RMDN1: variants seen among roughly 807,000 people sequenced by gnomAD.
RMDN1 encodes regulator of microtubule dynamics 1.
In RMDN1, 48 loss-of-function variants were observed where a neutral mutation model predicts 48.9. The ratio of observed to expected loss-of-function variants is 0.98; its 90% CI spans 0.78 to 1.25. The LOEUF (loss-of-function observed/expected upper bound fraction) is 1.25, where lower values mean the gene tolerates loss of function less well. Among genes scored for constraint, RMDN1 ranks in the 50% most tolerant of loss-of-function variants. The pLI is 0.00. For missense variants in RMDN1, 418 were observed against 373.4 expected, an observed-to-expected ratio of 1.12 and a Z score of -0.98; for synonymous variants, 148 against 132.6, an observed-to-expected ratio of 1.12 and a Z score of -0.80.
Position 86,507,879 on chromosome 8 carries a change from C to T in RMDN1, c.129+613G>A, listed in dbSNP as rs147314751. On this transcript the variant is annotated intron_variant, in intron 1 of 9. Transcript: ENST00000406452. The stretch of plus-strand genomic sequence containing the variant: ...AATTTGAGTTTAAAATAATGAAACC[C>T]CTAGTTCATGTGAAATATATCATAT... Among the ~76,000 whole-genome samples, 302 of 152,184 alleles carry T rather than the reference C, an allele frequency of 2.0e-3. 3 individuals carry two copies. The highest frequency in any genetic ancestry group is 6.8e-3 in the Middle Eastern group (2 of 294).
downstream of RMDN1, among the ~76,000 whole-genome samples, chr8:86,472,005 T>C (rs980102462): frequency 3.9e-5 from 6 of 152,178 alleles, no homozygotes; most frequent in South Asian, 2.1e-4. Flanking sequence ...TTGAGAAAAT[T>C]TGAATATGGG....
downstream of RMDN1, among the ~76,000 whole-genome samples, chr8:86,468,861 A>G (rs1028447164): frequency 5.9e-5 from 9 of 152,038 alleles, no homozygotes; most frequent in African/African-American, 1.2e-4. Context: ...TCCCCCACTC[A>G]CCTTCTCCCC....
chr8:86,488,765 C>A, intron 2 of RMDN1, 126 bp from the exon 3 acceptor site: 1 of 500,170 alleles, frequency 2.0e-6, no homozygotes. Flanking sequence ...AAATGACCTA[C>A]AATGAAACAG....
chr8:86,484,831 A>T (rs2130801246), intron 5 of RMDN1, 41 bp downstream of exon 5: 1 of 1,303,688 alleles, frequency 7.7e-7, no homozygotes, highest in Non-Finnish European at 1.1e-6. Flanking sequence ...TCAGAAAAAT[A>T]TGACTTTTAA....
intron 2 of RMDN1, chr8:86,504,071 G>A (rs1180465644): frequency 1.1e-6 from 1 of 912,960 alleles, no homozygotes; most frequent in South Asian, 1.3e-5. Context: ...ATCATTGTCA[G>A]AATTCTGGTG....
chr8:86,506,172 C>G (rs1225028702), intron 2 of RMDN1, among the ~76,000 whole-genome samples: 1 of 152,148 alleles, frequency 6.6e-6, no homozygotes, highest in Non-Finnish European at 1.5e-5. Flanking sequence ...AAATGAGAAA[C>G]TTAAAATAAT....
chr8:86,481,245 G>T (rs934404329), intron 5 of RMDN1, among the ~76,000 whole-genome samples: 12 of 152,052 alleles, frequency 7.9e-5, no homozygotes, highest in African/African-American at 2.9e-4. Flanking sequence ...ACCTTGAACT[G>T]GTTGCAAGAT....
chr8:86,513,598 T>C (rs953851942), upstream of RMDN1, among the ~76,000 whole-genome samples: 1 of 152,230 alleles, frequency 6.6e-6, no homozygotes, highest in Non-Finnish European at 1.5e-5. Context: ...GTTAGTTTAC[T>C]TACAATTTGT....
intron 2 of RMDN1, chr8:86,503,739 C>G (rs1563657962): frequency 1.4e-5 from 7 of 484,472 alleles, no homozygotes; most frequent in Admixed American, 2.5e-5. Flanking sequence ...ATCCCTCCCT[C>G]TGAGATGTTG....
chr8:86,488,467 C>A (rs974101766), intron 3 of RMDN1, 85 bp downstream of exon 3: 8 of 656,030 alleles, frequency 1.2e-5, no homozygotes, highest in Non-Finnish European at 2.0e-5. Context: ...ATTTTTAAAA[C>A]CTCAAGCACT....
chr8:86,508,932 TTTGGGCACAAGGA>T (rs1819885883), upstream of RMDN1, among the ~76,000 whole-genome samples: 1 of 152,150 alleles, frequency 6.6e-6, no homozygotes, highest in Non-Finnish European at 1.5e-5. Context: ...TCTTTCATGG[TTTGGGCACAAGGA>T]TTCGTCGCCA....
chr8:86,503,892 C>T (rs1324782931), intron 2 of RMDN1: 2 of 675,934 alleles, frequency 3.0e-6, no homozygotes, highest in South Asian at 1.5e-5. Flanking sequence ...TCTCTGGTGG[C>T]TGCCTTATGG....
At position 86,474,170 on chromosome 8, in the gene RMDN1, G is replaced by A. The variant is rs1342633940; in HGVS notation, c.*138C>T. 7.0e-7 allele frequency: 1 copy of A among 1,420,952 alleles called. No homozygotes were observed. The highest frequency in any genetic ancestry group is 2.5e-5 in the East Asian group (1 of 39,248). 88.0% of individuals were successfully genotyped at this position (1,420,952 alleles called of 1,614,324 possible). A position where few individuals can be genotyped will look rare whatever the true frequency, so the allele number is the denominator to read the frequency against. ...ACCCTATTATTTGTGAAGAAGCCTA[G>A]AATATTTTATATTTACACGGTTAAA... On this transcript the variant is annotated 3_prime_UTR_variant, in exon 10 of 10. Transcript: ENST00000406452.
intron 2 of RMDN1, among the ~76,000 whole-genome samples, chr8:86,496,639 A>T (rs1248144521): frequency 6.6e-6 from 1 of 152,236 alleles, no homozygotes; most frequent in African/African-American, 2.4e-5. Context: ...GCGGATTAAT[A>T]AAACAAGTTC....
Position 86,486,622 on chromosome 8 carries a change from C to T in RMDN1, c.357G>A (p.Trp119Ter), listed in dbSNP as rs1032139932. 1 of 1,596,248 alleles carries T rather than the reference C, an allele frequency of 6.3e-7. No homozygotes were observed. The highest frequency in any genetic ancestry group is 2.2e-5 in the East Asian group (1 of 44,778). Residue 119 changes from tryptophan (W) to a stop codon, truncating the protein, a stop_gained, in exon 4 of 10, where the codon TGG becomes TGA. Transcript: ENST00000406452. LOFTEE classifies it high-confidence loss of function. ...CATCACGTGATGCCCGTGCCAAACG[C>T]CACAGTAACTCTGCATCTTCACTAA... The part of the protein sequence containing the change: ...YKESEDAELL[W>*]RLARASRDVA...
At position 86,474,291 on chromosome 8, in the gene RMDN1, T is replaced by A. The variant is rs1563576886; in HGVS notation, c.*17A>T. On this transcript the variant is annotated 3_prime_UTR_variant, in exon 10 of 10. Transcript: ENST00000406452. ...CAATGTTTATTAGCTATTTCATAAA[T>A]CTTCTCTGAAAAGTTCTCAATTCTT... 2.5e-6 allele frequency: 4 copies of A among 1,613,144 alleles called. No homozygotes were observed. In the South Asian group the frequency reaches 4.4e-5, roughly 18 times the overall value.
chr8:86,507,526 G>C (rs1819578292), intron 1 of RMDN1, among the ~76,000 whole-genome samples: 1 of 152,110 alleles, frequency 6.6e-6, no homozygotes, highest in African/African-American at 2.4e-5. Context: ...TTTTTGTAGA[G>C]ACAGGGTCTC....
chr8:86,503,385 A>AAAAAAAAAAAAAAAAAAAAAAAAAAAAAC (rs1554594088), intron 2 of RMDN1, among the ~76,000 whole-genome samples: 3 of 81,066 alleles, frequency 3.7e-5, no homozygotes, highest in Admixed American at 1.3e-4. Flanking sequence ...AAAAAAAAAA[A>AAAAAAAAAAAAAAAAAAAAAAAAAAAAAC]AAAACAAAAA....
In RMDN1 at chr8:86,493,136, TA is replaced by T. The variant is rs1404555425; in HGVS notation, c.248-4498del. Among the ~76,000 whole-genome samples, 7 of 152,306 alleles carry T rather than the reference TA, an allele frequency of 4.6e-5. No homozygotes were observed. In the East Asian group the frequency reaches 1.3e-3, roughly 29 times the overall value. On this transcript the variant is annotated intron_variant, in intron 2 of 9. Coordinates refer to ENST00000406452, the MANE Select transcript of RMDN1 (RefSeq NM_016033.3). ...AAAAAGTGTTTCTGTATTTTTCAAT[TA>T]ATCTTTTTTCAAGGGCTATGGTCTG...
Sources: allele counts gnomAD v4.1 joint callset (sites outside exome capture counted in the v4.1 genomes callset), GRCh38; gene constraint gnomAD v4.1.1; transcripts MANE v1.5; gene names NCBI Gene and HGNC (gene_info 2026-07-23, HGNC 2026-07-21).